The following MCM2 variants were observed in gnomAD, a reference collection of about 807,000 sequenced individuals.
MCM2 encodes DNA replication licensing factor MCM2.
A neutral mutation model predicts 86.4 loss-of-function variants in MCM2; 49 were observed. The observed-to-expected ratio is 0.57, with a 90% CI of 0.45 to 0.72. MCM2 has a LOEUF of 0.72. Among genes scored for constraint, MCM2 ranks in the 30% least tolerant of loss-of-function variants. The pLI is 0.00. For synonymous variants in MCM2, 475 were observed against 484.6 expected (o/e 0.98, Z 0.26); for missense variants, 1,038 against 1,259.9 (o/e 0.82, Z 2.67).
In MCM2 at chr3:127,608,433, G is replaced by A. The variant is rs758921122; in HGVS notation, c.1153G>A (p.Val385Met). Residue 385 changes from valine to methionine, a missense_variant, in exon 7 of 16, where the codon GTG becomes ATG. Around this residue, in one of 4 missense-constraint regions of MCM2, gnomAD observed 399 missense variants for 507.2 expected, o/e 0.79. Coordinates refer to ENST00000265056, the MANE Select transcript of MCM2 (RefSeq NM_004526.4). The stretch of plus-strand genomic sequence containing the variant: ...CCGAATCCAGGAGAGTCCAGGCAAA[G>A]TGGCGGCTGGCCGGCTGCCCCGCTC... The part of the protein sequence containing the change: ...RIRIQESPGK[V>M]AAGRLPRSKD... 1.8e-5 allele frequency: 29 copies of A among 1,614,112 alleles called. No individual in the cohort carries two copies. Among genetic ancestry groups the A allele is most frequent in the Non-Finnish European group, 2.5e-5 (29 of 1,180,054 alleles).
At position 127,617,606 on chromosome 3, in the gene MCM2, T is replaced by C. The variant is rs1351657466; in HGVS notation, c.1900+201T>C. On this transcript the variant is annotated intron_variant, in intron 11 of 15. Transcript: ENST00000265056. The surrounding 1 kb of genome is among the most constrained non-coding windows in gnomAD (Gnocchi z 4.1). ...GACACCTGGGTTTCCTGTTGAGTCA[T>C]GTTCCTGGAATCACCTTGGATGTTC... 1 of 667,776 alleles carries C rather than the reference T, an allele frequency of 1.5e-6. No individual in the cohort carries two copies. The highest frequency in any genetic ancestry group is 2.5e-6 in the Non-Finnish European group (1 of 400,674). 41.4% of individuals were successfully genotyped at this position (667,776 alleles called of 1,614,324 possible).
Position 127,621,194 on chromosome 3 carries a change from C to T in MCM2, c.2570C>T (p.Thr857Ile), listed in dbSNP as rs140905579. 236 of 1,614,124 alleles carry T rather than the reference C, an allele frequency of 1.5e-4. No individual in the cohort carries two copies. Among genetic ancestry groups the T allele is most frequent in the Non-Finnish European group, 1.9e-4 (223 of 1,180,022 alleles). ...QRNRFGAQQD[T>I]IEVPEKDLVD... Reference sequence around the variant, plus strand: ...AACCGCTTTGGGGCCCAGCAGGACACTATTGAGGTCCCTGAGAAGGACTTG... The same window carrying T: ...AACCGCTTTGGGGCCCAGCAGGACATTATTGAGGTCCCTGAGAAGGACTTG... The change falls in exon 15 of 16, where the codon ACT becomes ATT. Residue 857 changes from threonine to isoleucine, a missense_variant. Transcript: ENST00000265056.
rs2074453343 is a variant in MCM2 at position 127,618,896 on chromosome 3, A to G, written c.2014-131A>G. 2 of 1,089,516 alleles carry G rather than the reference A, an allele frequency of 1.8e-6. No homozygotes were observed. Among genetic ancestry groups the G allele is most frequent in the East Asian group, 2.6e-5 (1 of 37,736 alleles). The allele number at this position is 1,089,516 out of a possible 1,614,324, so 67.5% of individuals were successfully genotyped here. A position where few individuals can be genotyped will look rare whatever the true frequency, so the allele number is the denominator to read the frequency against. ...ACCCACACCCAGAACTGCCTGGCAC[A>G]TGGTCAGTGTAGTCAGTCTTGTTGA... is the stretch of plus-strand genomic sequence containing the variant. On this transcript the variant is annotated intron_variant, in intron 12 of 15. Coordinates refer to ENST00000265056, the MANE Select transcript of MCM2 (RefSeq NM_004526.4). The surrounding 1 kb of genome is among the most constrained non-coding windows in gnomAD (Gnocchi z 4.0).
chr3:127,606,684 G>C lies in MCM2; in HGVS notation c.968G>C (p.Ser323Thr). Residue 323 changes from serine (S) to threonine (T), a missense_variant, in exon 6 of 16, where the codon AGC becomes ACC. Around this residue, in one of 4 missense-constraint regions of MCM2, gnomAD observed 399 missense variants for 507.2 expected, o/e 0.79. Transcript: ENST00000265056. This position sits in a 1 kb window ranked among gnomAD's most constrained non-coding sequence, Gnocchi z 4.2. Reference protein sequence around the residue: ...TSCTGVLPQLSMVKYNCNKCN... With the variant: ...TSCTGVLPQLTMVKYNCNKCN... The stretch of plus-strand genomic sequence containing the variant: ...TGCACTGGCGTCCTGCCCCAGCTCA[G>C]CATGGTCAAGTACAACTGCAACAAG... 1 of 1,614,264 alleles carries C rather than the reference G, an allele frequency of 6.2e-7. No homozygotes were observed. The highest frequency in any genetic ancestry group is 1.6e-4 in the Middle Eastern group (1 of 6,062).
At chr3:127,610,237 T>C (rs1349472978) in intron 8 of MCM2, among the ~76,000 whole-genome samples, 1 of 152,210 alleles carries the variant, frequency 6.6e-6, no homozygotes, top group Non-Finnish European at 1.5e-5. Context: ...TAAAATTCAG[T>C]TCCCATTTGG....
intron 4 of MCM2, among the ~76,000 whole-genome samples, chr3:127,605,589 C>T (rs1420869433): frequency 1.3e-5 from 2 of 151,820 alleles, no homozygotes; most frequent in Non-Finnish European, 2.9e-5. Flanking sequence ...TACAGGCATG[C>T]ACCACCATGC....
intron 8 of MCM2, among the ~76,000 whole-genome samples, chr3:127,614,499 A>AT (rs1186525133): frequency 6.6e-6 from 1 of 151,548 alleles, no homozygotes; most frequent in Non-Finnish European, 1.5e-5. Context: ...TTTCCTTGTA[A>AT]TTTTTTGTGG....
chr3:127,616,064 A>T, intron 9 of MCM2, 109 bp downstream of exon 9: 1 of 894,510 alleles, frequency 1.1e-6, no homozygotes, highest in Non-Finnish European at 1.8e-6. Context: ...GGGAGAAAGA[A>T]TGCATTAAAA....
At position 127,621,950 on chromosome 3, in the gene MCM2, G is replaced by C; in HGVS notation, c.*177G>C. On this transcript the variant is annotated 3_prime_UTR_variant, in exon 16 of 16. Coordinates refer to ENST00000265056, the MANE Select transcript of MCM2 (RefSeq NM_004526.4). ...CTGTTTGTTTCTCCAAGCCTGCTTT[G>C]TGCTTCTCACCTTTGGGTGGGATGC... 1 of 567,680 alleles carries C rather than the reference G, an allele frequency of 1.8e-6. No individual in the cohort carries two copies. Among genetic ancestry groups the C allele is most frequent in the African/African-American group, 1.9e-5 (1 of 52,772 alleles). 35.2% of individuals were successfully genotyped at this position (567,680 alleles called of 1,614,324 possible). A position where few individuals can be genotyped will look rare whatever the true frequency, so the allele number is the denominator to read the frequency against.
chr3:127,600,653 T>C (rs369151021), intron 2 of MCM2, among the ~76,000 whole-genome samples: 6 of 152,152 alleles, frequency 3.9e-5, no homozygotes, highest in African/African-American at 1.4e-4. Flanking sequence ...TGGATAAATC[T>C]GCCCTGGACT....
rs201216288 is a variant in MCM2, at chr3:127,604,766, G to T, written c.395G>T (p.Arg132Leu). The T allele has an allele frequency of 1.3e-6, 2 of 1,596,086 alleles. 1 individual carries two copies. The highest frequency in any genetic ancestry group is 2.2e-5 in the South Asian group (2 of 89,618). Residue 132 changes from arginine to leucine, a missense_variant, in exon 3 of 16, where the codon CGC (arginine) becomes CTC (leucine). Coordinates refer to ENST00000265056, the MANE Select transcript of MCM2 (RefSeq NM_004526.4). ...REAGRGLGRM[R>L]RGLLYDSDEE... ...GCTGGCCGGGGCCTGGGCCGCATGC[G>T]CCGTGGGCTCCTGTATGGTAGGTCC...
intron 8 of MCM2, among the ~76,000 whole-genome samples, chr3:127,609,837 CTTTTTTTT>C (rs10716532): frequency 1.2e-4 from 8 of 69,110 alleles, no homozygotes; most frequent in South Asian, 7.3e-4. Context: ...AGTCAACTTC[CTTTTTTTT>C]TTTTTTTTTT....
Position 127,618,891 on chromosome 3 carries a change from G to A in MCM2, c.2014-136G>A. 9.5e-7 allele frequency: 1 copy of A among 1,047,142 alleles called. No individual in the cohort carries two copies. Among genetic ancestry groups the A allele is most frequent in the Admixed American group, 3.0e-5 (1 of 33,686 alleles). 64.9% of individuals were successfully genotyped at this position (1,047,142 alleles called of 1,614,324 possible). A position where few individuals can be genotyped will look rare whatever the true frequency, so the allele number is the denominator to read the frequency against. On this transcript the variant is annotated intron_variant, in intron 12 of 15. Coordinates refer to ENST00000265056, the MANE Select transcript of MCM2 (RefSeq NM_004526.4). This position sits in a 1 kb window ranked among gnomAD's most constrained non-coding sequence, Gnocchi z 4.0. ...TTGCCACCCACACCCAGAACTGCCTGGCACATGGTCAGTGTAGTCAGTCTT... is the reference window on the plus strand; with the variant it reads ...TTGCCACCCACACCCAGAACTGCCTAGCACATGGTCAGTGTAGTCAGTCTT...
chr3:127,621,606 C>A, intron 15 of MCM2, 57 bp from the exon 16 acceptor site: 1 of 1,180,170 alleles, frequency 8.5e-7, no homozygotes, highest in Non-Finnish European at 1.3e-6. Context: ...CTGGGGCGCT[C>A]TGGAAACAGC....
intron 2 of MCM2, among the ~76,000 whole-genome samples, chr3:127,603,463 TTTTG>T (rs920638869): frequency 4.6e-5 from 7 of 151,346 alleles, no homozygotes; most frequent in Non-Finnish European, 5.9e-5. Context: ...CACCCAGCCC[TTTTG>T]TTTGTTTGTT....
intron 9 of MCM2, among the ~76,000 whole-genome samples, 169 bp from the exon 10 acceptor site, chr3:127,616,699 G>C (rs781639732): frequency 2.6e-5 from 4 of 152,232 alleles, no homozygotes; most frequent in African/African-American, 9.6e-5. Flanking sequence ...GTTTCCCTGG[G>C]AGTGCCCAGA....
chr3:127,620,715 C>T lies in MCM2; in HGVS notation c.2283C>T (p.Pro761=). The T allele has an allele frequency of 1.9e-6, 3 of 1,603,482 alleles. No individual in the cohort carries two copies. The highest frequency in any genetic ancestry group is 2.2e-5 in the South Asian group (2 of 90,254). Residue 761 remains proline, a synonymous_variant, in exon 14 of 16, where the codon CCC becomes CCT. Coordinates refer to ENST00000265056, the MANE Select transcript of MCM2 (RefSeq NM_004526.4). Reference sequence around the variant, plus strand: ...CTCTCCAGGCGACAGGCAGCATCCCCATTACGGTGCGGCACATCGAGTCCA... The same window carrying T: ...CTCTCCAGGCGACAGGCAGCATCCCTATTACGGTGCGGCACATCGAGTCCA... ...RKESMATGSI[P]ITVRHIESMI... is the part of the protein sequence containing the mutation.
At position 127,608,869 on chromosome 3, in the gene MCM2, C is replaced by G. The variant is rs371208727; in HGVS notation, c.1274C>G (p.Ser425Cys). The change falls in exon 8 of 16, where the codon TCC becomes TGC. Residue 425 changes from serine (S) to cysteine (C), a missense_variant. This residue lies in a region of MCM2 where 399 missense variants were observed against 507.2 expected (regional missense o/e 0.79). Coordinates refer to ENST00000265056, the MANE Select transcript of MCM2 (RefSeq NM_004526.4). ...ATCTATCACAACAACTATGATGGCT[C>G]CCTCAACACTGCCAATGGCTTCCCT... is the stretch of plus-strand genomic sequence containing the variant. ...TGIYHNNYDG[S>C]LNTANGFPVF... The G allele has an allele frequency of 8.1e-6, 13 of 1,614,090 alleles. No homozygotes were observed. Among genetic ancestry groups the G allele is most frequent in the Non-Finnish European group, 1.1e-5 (13 of 1,180,054 alleles).
At position 127,621,114 on chromosome 3, in the gene MCM2, G is replaced by A; in HGVS notation, c.2490G>A (p.Glu830=). 1.2e-6 allele frequency: 2 copies of A among 1,614,262 alleles called. No individual in the cohort carries two copies. The highest frequency in any genetic ancestry group is 1.3e-5 in the African/African-American group (1 of 75,076). The change falls in exon 15 of 16, where the codon GAG becomes GAA. Residue 830 remains glutamate (E), a synonymous_variant. Transcript: ENST00000265056. ...RYLSFRRDNN[E]LLLFILKQLV... is the part of the protein sequence containing the mutation. ...TTTCATTCCGGCGTGACAACAATGAGCTGTTGCTCTTCATACTGAAGCAGT... is the reference window on the plus strand; with the variant it reads ...TTTCATTCCGGCGTGACAACAATGAACTGTTGCTCTTCATACTGAAGCAGT...
Sources: gnomAD v4.1 joint callset for allele counts (sites outside exome capture counted in the v4.1 genomes callset) on GRCh38, gnomAD v4.1.1 for gene constraint, gnomAD v4.1.1 regional missense constraint, Gnocchi (gnomAD v3.1) non-coding constraint, MANE v1.5 for transcripts, NCBI Gene and HGNC (gene_info 2026-07-23, HGNC 2026-07-21) for gene names.